AGAP1: variants seen among roughly 807,000 people sequenced by gnomAD.
The protein encoded by AGAP1 is arf-GAP with GTPase, ANK repeat and PH domain-containing protein 1.
Under a neutral mutation model 105.3 loss-of-function variants are expected in AGAP1, and 29 were observed. The observed-to-expected ratio is 0.28, with a 90% CI of 0.21 to 0.38. The LOEUF (loss-of-function observed/expected upper bound fraction) is 0.38, where lower values mean the gene tolerates loss of function less well. Ranked by LOEUF, AGAP1 falls within the 10% of genes least tolerant of loss-of-function variation. The probability of loss-of-function intolerance (pLI) is 1.00; values close to 1 mark genes in which losing one functional copy is unlikely to be tolerated. For missense variants in AGAP1, 998 were observed against 1,165.1 expected (o/e 0.86, Z 2.09); for synonymous variants, 509 against 485.9 (o/e 1.05, Z -0.63).
In AGAP1 at chr2:235,759,453, G is replaced by A. The variant is rs1263003869; in HGVS notation, c.673+8965G>A. Among the ~76,000 whole-genome samples the A allele has an allele frequency of 5.9e-5, 9 of 152,208 alleles. No homozygotes were observed. The East Asian group carries it at 1.2e-3, about 20-fold the overall frequency. ...CAAAGTGCTGGGATTACAGGCGTGAGCCACCGCGCCCGGCCCTGGCAGCTT... is the reference window on the plus strand; with the variant it reads ...CAAAGTGCTGGGATTACAGGCGTGAACCACCGCGCCCGGCCCTGGCAGCTT... On this transcript the variant is annotated intron_variant, in intron 6 of 17. Transcript: ENST00000304032.
rs569849937 is a variant in AGAP1, at chr2:235,542,087, C to T, written c.163+47238C>T. On this transcript the variant is annotated intron_variant, in intron 1 of 17. Coordinates refer to ENST00000304032, the MANE Select transcript of AGAP1 (RefSeq NM_001037131.3). ...TTGTTCCAGGATGGAAGTTGTTATC[C>T]TTTGTGCAAACAGGGTTATTGCTCT... Among the ~76,000 whole-genome samples, 26 of 152,310 alleles carry T rather than the reference C, an allele frequency of 1.7e-4. No individual in the cohort carries two copies. The South Asian group carries it at 5.4e-3, about 32-fold the overall frequency.
chr2:236,117,526 A>G (rs943544326), intron 16 of AGAP1, among the ~76,000 whole-genome samples: 20 of 152,174 alleles, frequency 1.3e-4, no homozygotes, highest in Non-Finnish European at 1.5e-5. Flanking sequence ...AAGAAATTGA[A>G]TACTTGCAGT....
chr2:235,911,299 G>A (rs958235599), intron 11 of AGAP1, among the ~76,000 whole-genome samples: 2 of 152,246 alleles, frequency 1.3e-5, no homozygotes, highest in African/African-American at 4.8e-5. Flanking sequence ...GCCACACGGA[G>A]CCACAGGCCC....
At chr2:235,921,969 G>C (rs894220600) in intron 11 of AGAP1, among the ~76,000 whole-genome samples, 4 of 152,148 alleles carry the variant, frequency 2.6e-5, no homozygotes, top group African/African-American at 9.7e-5. Flanking sequence ...TGTGAATTCT[G>C]TTCTTTTTGG....
chr2:236,057,564 C>T (rs1171733915), intron 16 of AGAP1, among the ~76,000 whole-genome samples: 5 of 151,204 alleles, frequency 3.3e-5, no homozygotes, highest in African/African-American at 1.2e-4. Flanking sequence ...CCCCCCTCAA[C>T]CCCCGTGTTT....
At position 235,834,933 on chromosome 2, in the gene AGAP1, C is replaced by T. The variant is rs145297704; in HGVS notation, c.1050+27602C>T. Among the ~76,000 whole-genome samples, 376 of 152,266 alleles carry T rather than the reference C, an allele frequency of 2.5e-3. 6 individuals are homozygous for T. The East Asian group carries it at 0.028, about 11-fold the overall frequency. ...GAACAGACTCTATGCAGAAAACTTG[C>T]GGAAGCATTTTGCTAACATCACGAG... is the stretch of plus-strand genomic sequence containing the variant. On this transcript the variant is annotated intron_variant, in intron 9 of 17. Coordinates refer to ENST00000304032, the MANE Select transcript of AGAP1 (RefSeq NM_001037131.3).
At position 235,943,398 on chromosome 2, in the gene AGAP1, C is replaced by T. The variant is rs1037566524; in HGVS notation, c.1483+12475C>T. Among the ~76,000 whole-genome samples the T allele has an allele frequency of 2.4e-4, 28 of 118,256 alleles. 2 individuals are homozygous for T. In the South Asian group the frequency reaches 5.3e-3, roughly 22 times the overall value. 77.6% of individuals were successfully genotyped at this position (118,256 alleles called of 152,430 possible). A position where few individuals can be genotyped will look rare whatever the true frequency, so the allele number is the denominator to read the frequency against. ...TTTTTTTTTGACACAGAGTTTCACT[C>T]GTCACCCAGGCTGGAGTGCAGTGGC... On this transcript the variant is annotated intron_variant, in intron 12 of 17. Coordinates refer to ENST00000304032, the MANE Select transcript of AGAP1 (RefSeq NM_001037131.3).
At chr2:235,907,018 A>AAAAAC (rs141870680) in intron 10 of AGAP1, among the ~76,000 whole-genome samples, 4,141 of 152,168 alleles carry the variant, frequency 0.027, 77 homozygotes, top group Non-Finnish European at 0.042. Context: ...TCTTGTCTCA[A>AAAAAC]AAAACAAAAC....
intron 9 of AGAP1, among the ~76,000 whole-genome samples, chr2:235,817,856 A>G (rs913026843): frequency 1.3e-5 from 2 of 152,126 alleles, no homozygotes; most frequent in African/African-American, 4.8e-5. Context: ...GCACCACTGC[A>G]CTCCAGCCTG....
At position 235,971,633 on chromosome 2, in the gene AGAP1, T is replaced by C. The variant is rs1211930374; in HGVS notation, c.1645+3010T>C. Among the ~76,000 whole-genome samples, 1 of 150,444 alleles carries C rather than the reference T, an allele frequency of 6.6e-6. No individual in the cohort carries two copies. The highest frequency in any genetic ancestry group is 1.5e-5 in the Non-Finnish European group (1 of 67,730). ...TGAACCCAGGAGGTGGAGCTTGCAG[T>C]GAGCCGGGATGGCGCCACTGCGCTC... On this transcript the variant is annotated intron_variant, in intron 13 of 17. Coordinates refer to ENST00000304032, the MANE Select transcript of AGAP1 (RefSeq NM_001037131.3). The surrounding 1 kb of genome is among the most constrained non-coding windows in gnomAD (Gnocchi z 4.8).
chr2:235,691,175 C>T lies in AGAP1; in HGVS notation c.164-18004C>T, dbSNP rs1400035683. ...AGGCCTTGGTCCCTTCTGAGAGACC[C>T]CAGCCCCGAGAGGCTCTGGGCTGCT... On this transcript the variant is annotated intron_variant, in intron 1 of 17. Transcript: ENST00000304032. This position sits in a 1 kb window ranked among gnomAD's most constrained non-coding sequence, Gnocchi z 4.4. Among the ~76,000 whole-genome samples the T allele has an allele frequency of 3.3e-5, 5 of 152,128 alleles. No individual in the cohort carries two copies. The highest frequency in any genetic ancestry group is 7.3e-5 in the Non-Finnish European group (5 of 68,030).
At chr2:235,653,511 TAAC>T (rs1250165632) in intron 1 of AGAP1, among the ~76,000 whole-genome samples, 1,631 of 151,534 alleles carry the variant, frequency 0.011, 25 homozygotes, top group African/African-American at 0.037. Flanking sequence ...TAACATAACA[TAAC>T]ATAACATAAC....
At position 235,746,377 on chromosome 2, in the gene AGAP1, CTTTTTTTTTTTTTT is replaced by C. The variant is rs1172393048; in HGVS notation, c.538+1559_538+1572del. 6.2e-3 allele frequency among the ~76,000 whole-genome samples: 342 copies of C among 55,574 alleles called. 20 individuals are homozygous for C. The East Asian group carries it at 0.099, about 16-fold the overall frequency. 36.5% of individuals were successfully genotyped at this position (55,574 alleles called of 152,430 possible). The stretch of plus-strand genomic sequence containing the variant: ...GCTTCCTGGAGAGCACCTCCCCCAA[CTTTTTTTTTTTTTT>C]TTTTTTTTTTTTTTTTTTTTAAAGC... On this transcript the variant is annotated intron_variant, in intron 5 of 17. Transcript: ENST00000304032.
rs565875081 is a variant in AGAP1 at position 235,796,752 on chromosome 2, G to A, written c.674-1007G>A. On this transcript the variant is annotated intron_variant, in intron 6 of 17. Transcript: ENST00000304032. The stretch of plus-strand genomic sequence containing the variant: ...GGGGAGAGATGACAAGTTCCTTTCC[G>A]TGGACATCTTCGAAAATAGCAACTA... 1.3e-4 allele frequency among the ~76,000 whole-genome samples: 20 copies of A among 152,282 alleles called. No homozygotes were observed. In the South Asian group the frequency reaches 2.7e-3, roughly 21 times the overall value.
At chr2:235,757,987 T>C (rs1954071275) in intron 6 of AGAP1, among the ~76,000 whole-genome samples, 1 of 152,226 alleles carries the variant, frequency 6.6e-6, no homozygotes, top group Admixed American at 6.5e-5. Flanking sequence ...ACAGTCCTTG[T>C]GCTGTTAAAG....
intron 13 of AGAP1, among the ~76,000 whole-genome samples, chr2:236,031,714 T>A (rs1013549106): frequency 1.3e-5 from 2 of 151,772 alleles, no homozygotes; most frequent in African/African-American, 4.8e-5. Flanking sequence ...ACTTGCAGGG[T>A]CTCCATCATT....
chr2:235,510,116 T>A (rs1942009629), intron 1 of AGAP1, among the ~76,000 whole-genome samples: 1 of 152,182 alleles, frequency 6.6e-6, no homozygotes, highest in Non-Finnish European at 1.5e-5. Flanking sequence ...TGATTCTACG[T>A]TATGGTGAGT....
At position 235,906,200 on chromosome 2, in the gene AGAP1, C is replaced by A. The variant is rs975471416; in HGVS notation, c.1156-2538C>A. Among the ~76,000 whole-genome samples, 2 of 152,188 alleles carry A rather than the reference C, an allele frequency of 1.3e-5. No individual in the cohort carries two copies. The highest frequency in any genetic ancestry group is 2.9e-5 in the Non-Finnish European group (2 of 68,034). On this transcript the variant is annotated intron_variant, in intron 10 of 17. Transcript: ENST00000304032. This position sits in a 1 kb window ranked among gnomAD's most constrained non-coding sequence, Gnocchi z 5.3. ...TCGGGTGGCCGGGCACCTCTGCTCC[C>A]GGCCTCTGGGCTGATGTGAGATGCA...
chr2:236,073,979 G>T lies in AGAP1; in HGVS notation c.2114+24698G>T, dbSNP rs947023285. On this transcript the variant is annotated intron_variant, in intron 16 of 17. Transcript: ENST00000304032. This position sits in a 1 kb window ranked among gnomAD's most constrained non-coding sequence, Gnocchi z 5.4. ...GCCAAGGTCTCCTCCAGGAGCACAG[G>T]TTCTCACCTGGGGCTGATCTGCCCC... Among the ~76,000 whole-genome samples the T allele has an allele frequency of 5.3e-5, 8 of 152,160 alleles. No homozygotes were observed. Among genetic ancestry groups the T allele is most frequent in the African/African-American group, 1.7e-4 (7 of 41,448 alleles).
Sources: allele counts gnomAD v4.1 joint callset (sites outside exome capture counted in the v4.1 genomes callset), GRCh38; gene constraint gnomAD v4.1.1; non-coding constraint Gnocchi (gnomAD v3.1); transcripts MANE v1.5; gene names NCBI Gene and HGNC (gene_info 2026-07-23, HGNC 2026-07-21).